Variants in CR1L observed in about 807,000 individuals in gnomAD.
CR1L encodes the protein complement C3b/C4b receptor 1 like.
CR1L carries 59 observed loss-of-function variants against 62.3 expected under a neutral mutation model. The ratio of observed to expected loss-of-function variants is 0.95; its 90% confidence interval spans 0.77 to 1.18. The LOEUF (loss-of-function observed/expected upper bound fraction) is 1.18. Among genes scored for constraint, CR1L ranks in the 50% most tolerant of loss-of-function variants. The pLI is 0.00. For missense variants in CR1L, 700 were observed against 702.8 expected, an observed-to-expected ratio of 1.00 and a Z score of 0.04; for synonymous variants, 279 against 248.7, an observed-to-expected ratio of 1.12 and a Z score of -1.15.
intron 1 of CR1L, among the ~76,000 whole-genome samples, chr1:207,647,970 C>T (rs184956595): frequency 8.5e-5 from 13 of 152,094 alleles, no homozygotes; most frequent in Non-Finnish European, 1.5e-5. Flanking sequence ...ACAGCCTGGG[C>T]ATCATAAGGA....
At chr1:207,700,381 T>C (rs573400282) in intron 8 of CR1L, among the ~76,000 whole-genome samples, 1 of 152,354 alleles carries the variant, frequency 6.6e-6, no homozygotes, top group Non-Finnish European at 1.5e-5. Context: ...AGCTTTCTCT[T>C]ATTTTTCATA....
chr1:207,649,552 A>G (rs1663190779), intron 1 of CR1L, among the ~76,000 whole-genome samples: 1 of 152,156 alleles, frequency 6.6e-6, no homozygotes, highest in African/African-American at 2.4e-5. Context: ...CTAATTGCAG[A>G]TAGAGTTTGT....
Position 207,694,369 on chromosome 1 carries a change from A to G in CR1L, c.480A>G (p.Leu160=). The change falls in exon 5 of 12, where the codon CTA becomes CTG. Residue 160 remains leucine (L), a synonymous_variant. Transcript: ENST00000508064. Reference sequence around the variant, plus strand: ...CTTTCCCAGGAATTATTTGTGGGCTACCCCCCACCATCGCCAATGGAGATT... The same window carrying G: ...CTTTCCCAGGAATTATTTGTGGGCTGCCCCCCACCATCGCCAATGGAGATT... The part of the protein sequence containing the change: ...TPVCDRIICG[L]PPTIANGDFT... The G allele has an allele frequency of 6.2e-7, 1 of 1,613,922 alleles. No individual in the cohort carries two copies.
At chr1:207,697,975 GAC>G (rs368602585) in intron 7 of CR1L, 102 bp downstream of exon 7, 17,364 of 1,198,074 alleles carry the variant, frequency 0.014, no homozygotes, top group East Asian at 0.034. Context: ...CAGACAGACA[GAC>G]ACACACACAC....
chr1:207,696,012 T>C (rs905628765), intron 5 of CR1L, among the ~76,000 whole-genome samples: 26 of 151,986 alleles, frequency 1.7e-4, no homozygotes, highest in African/African-American at 6.0e-4. Flanking sequence ...TCACAGCTAA[T>C]AGGTCACAAA....
chr1:207,659,840 A>G (rs1663378648), intron 1 of CR1L, among the ~76,000 whole-genome samples: 1 of 152,246 alleles, frequency 6.6e-6, no homozygotes, highest in African/African-American at 2.4e-5. Context: ...CCAGCAGACC[A>G]GGAGACTCCC....
intron 4 of CR1L, among the ~76,000 whole-genome samples, chr1:207,691,402 T>A (rs1558020038): frequency 6.6e-6 from 1 of 151,934 alleles, no homozygotes; most frequent in Non-Finnish European, 1.5e-5. Flanking sequence ...GTTATAAACA[T>A]CATATGGTAA....
intron 1 of CR1L, among the ~76,000 whole-genome samples, chr1:207,672,452 C>A (rs1321221827): frequency 2.8e-5 from 4 of 142,920 alleles, no homozygotes; most frequent in Non-Finnish European, 4.4e-5. Flanking sequence ...GCACCTTTAT[C>A]TTTTCTGATA....
chr1:207,707,785 T>TACACACACACACAC (rs10523807), intron 9 of CR1L, among the ~76,000 whole-genome samples: 5,319 of 126,114 alleles, frequency 0.042, 146 homozygotes, highest in East Asian at 0.074. Context: ...GGCATAGTAT[T>TACACACACACACAC]ACACACACAC....
At chr1:207,709,832 CAAA>C (rs11452067) in intron 10 of CR1L, among the ~76,000 whole-genome samples, 5 of 122,142 alleles carry the variant, frequency 4.1e-5, no homozygotes, top group Non-Finnish European at 3.5e-5. Context: ...GACTCTGTCT[CAAA>C]AAAAAAAAAA....
At chr1:207,703,437 A>G (rs1336306601) in intron 9 of CR1L, among the ~76,000 whole-genome samples, 1 of 152,234 alleles carries the variant, frequency 6.6e-6, no homozygotes, top group East Asian at 1.9e-4. Flanking sequence ...TGACAGAGGT[A>G]TGTTTGCAGC....
At chr1:207,723,168 G>A (rs904657323) in intron 11 of CR1L, among the ~76,000 whole-genome samples, 7 of 151,782 alleles carry the variant, frequency 4.6e-5, no homozygotes, top group East Asian at 1.9e-4. Flanking sequence ...GCAGTGGCTC[G>A]CGCCTGTATT....
intron 1 of CR1L, among the ~76,000 whole-genome samples, chr1:207,661,771 C>G (rs145152633): frequency 0.028 from 4,261 of 152,262 alleles, 205 homozygotes; most frequent in African/African-American, 0.096. Context: ...CATGTTTTTG[C>G]AGTGGCTGGT....
chr1:207,708,029 A>G (rs1451156453), intron 9 of CR1L, 149 bp from the exon 10 acceptor site: 1 of 912,360 alleles, frequency 1.1e-6, no homozygotes, highest in Non-Finnish European at 1.7e-6. Context: ...GCAGAAAAAG[A>G]AGTAGAAAAG....
Position 207,710,705 on chromosome 1 carries a change from G to T in CR1L, c.1414+2442G>T. 9.3e-6 allele frequency: 15 copies of T among 1,610,050 alleles called. No homozygotes were observed. In the South Asian group the frequency reaches 1.5e-4, roughly 17 times the overall value. ...GGAGTTTAGGTGTCAGCCTGGCTTT[G>T]TCATGAAAGGACCCCCCGCACCGTG... On this transcript the variant is annotated intron_variant, in intron 10 of 11. Coordinates refer to ENST00000508064, the MANE Select transcript of CR1L (RefSeq NM_175710.2).
At chr1:207,694,272 A>C (rs956337160) in intron 4 of CR1L, 81 bp from the exon 5 acceptor site, 114 of 1,527,828 alleles carry the variant, frequency 7.5e-5, no homozygotes, top group Non-Finnish European at 7.2e-5. Context: ...CAAATAATGA[A>C]TGTAAAAATA....
At chr1:207,653,946 G>A (rs1167830488) in intron 1 of CR1L, among the ~76,000 whole-genome samples, 1 of 152,164 alleles carries the variant, frequency 6.6e-6, no homozygotes, top group African/African-American at 2.4e-5. Context: ...AAAGTGAAAG[G>A]GAAATTCAGC....
rs17046685 is a variant in CR1L, at chr1:207,697,630, G to A, written c.990G>A (p.Leu330=). 2,480 of 1,613,970 alleles carry A rather than the reference G, an allele frequency of 1.5e-3. 50 individuals are homozygous for A. In the African/African-American group the frequency reaches 0.029, roughly 19 times the overall value. ...PGYDLRGSTY[L]HCTPQGDWSP... ...ACGACCTCAGAGGATCTACGTATTT[G>A]CACTGCACACCCCAGGGAGACTGGA... Residue 330 remains leucine (L), a synonymous_variant, in exon 6 of 12, where the codon TTG becomes TTA. Transcript: ENST00000508064.
At chr1:207,649,422 G>A (rs6540436) in intron 1 of CR1L, among the ~76,000 whole-genome samples, 83,202 of 152,086 alleles carry the variant, frequency 0.55, 23,255 homozygotes, top group East Asian at 0.68. Flanking sequence ...TCAGACTTTG[G>A]TATTATTCCC....
Sources: gnomAD v4.1 joint callset for allele counts (sites outside exome capture counted in the v4.1 genomes callset) on GRCh38, gnomAD v4.1.1 for gene constraint, MANE v1.5 for transcripts, NCBI Gene and HGNC (gene_info 2026-07-23, HGNC 2026-07-21) for gene names.